WDR89: variants seen among roughly 807,000 people sequenced by gnomAD.
The protein encoded by WDR89 is WD repeat-containing protein 89.
A neutral mutation model predicts 29.1 loss-of-function variants in WDR89; 17 were observed. The ratio of observed to expected loss-of-function variants is 0.58; its 90% CI spans 0.40 to 0.88. The LOEUF (loss-of-function observed/expected upper bound fraction) is 0.88. Ranked by LOEUF, WDR89 falls within the 40% of genes least tolerant of loss-of-function variation. WDR89 has a pLI of 0.00. For missense variants in WDR89, 396 were observed against 456.3 expected, an observed-to-expected ratio of 0.87 and a Z score of 1.20; for synonymous variants, 138 against 157.8, an observed-to-expected ratio of 0.87 and a Z score of 0.94.
intron 2 of WDR89, among the ~76,000 whole-genome samples, chr14:63,607,476 A>G (rs1895371284): frequency 6.6e-6 from 1 of 152,144 alleles, no homozygotes; most frequent in African/African-American, 2.4e-5. Flanking sequence ...ATGTGCATGG[A>G]GTAGAGAACA....
rs943658045 is a variant in WDR89 at position 63,597,934 on chromosome 14, G to A, written c.*845C>T. On this transcript the variant is annotated 3_prime_UTR_variant, in exon 3 of 3. Transcript: ENST00000620954. ...AGAAATAATGAAAGTCTTCTCTAGG[G>A]TAATAGTGGTGAGGTAAAGGCAAAA... The A allele has an allele frequency of 6.6e-6, 1 of 152,176 alleles. No homozygotes were observed. The highest frequency in any genetic ancestry group is 2.4e-5 in the African/African-American group (1 of 41,432). The allele number at this position is 152,176 out of a possible 1,614,324, so 9.4% of individuals were successfully genotyped here. A position where few individuals can be genotyped will look rare whatever the true frequency, so the allele number is the denominator to read the frequency against.
chr14:63,607,355 G>T (rs1176803132), intron 2 of WDR89, among the ~76,000 whole-genome samples: 2 of 151,912 alleles, frequency 1.3e-5, no homozygotes, highest in African/African-American at 4.8e-5. Flanking sequence ...AGTAGAGACG[G>T]GGTTTCACCA....
At chr14:63,634,870 C>CAA (rs56714759) in intron 1 of WDR89, among the ~76,000 whole-genome samples, 3 of 95,104 alleles carry the variant, frequency 3.2e-5, no homozygotes, top group African/African-American at 3.4e-5. Context: ...AACTACATCT[C>CAA]AAAAAAAAAA....
At chr14:63,620,514 G>A (rs1882628194) in intron 2 of WDR89, among the ~76,000 whole-genome samples, 1 of 152,130 alleles carries the variant, frequency 6.6e-6, no homozygotes, top group African/African-American at 2.4e-5. Context: ...ATTTCACTTG[G>A]AAAGAGGAGT....
intron 1 of WDR89, among the ~76,000 whole-genome samples, chr14:63,640,686 C>G (rs778012605): frequency 1.3e-5 from 2 of 151,660 alleles, no homozygotes; most frequent in Non-Finnish European, 3.0e-5. Context: ...CCATGTTGAC[C>G]AGGCTGGTCT....
At position 63,619,149 on chromosome 14, in the gene WDR89, G is replaced by T. The variant is rs182552860; in HGVS notation, c.-32+5779C>A. Among the ~76,000 whole-genome samples, 1,003 of 152,332 alleles carry T rather than the reference G, an allele frequency of 6.6e-3. 6 individuals are homozygous for T. The highest frequency in any genetic ancestry group is 0.02 in the Middle Eastern group (6 of 294). ...GGAAGAGCATGGAGAGAAACCTCCT[G>T]TTGGGGCCTGCTGGGACTGAGTGGA... On this transcript the variant is annotated intron_variant, in intron 2 of 2. Coordinates refer to ENST00000620954, the MANE Select transcript of WDR89 (RefSeq NM_080666.4).
At chr14:63,620,434 C>CAGTA (rs1882622665) in intron 2 of WDR89, among the ~76,000 whole-genome samples, 1 of 152,012 alleles carries the variant, frequency 6.6e-6, no homozygotes, top group South Asian at 2.1e-4. Flanking sequence ...TGGAAGCAGA[C>CAGTA]AGTAGATAGG....
At position 63,598,984 on chromosome 14, in the gene WDR89, T is replaced by C; in HGVS notation, c.959A>G (p.His320Arg). 6 of 1,614,196 alleles carry C rather than the reference T, an allele frequency of 3.7e-6. No homozygotes were observed. Among genetic ancestry groups the C allele is most frequent in the Non-Finnish European group, 5.1e-6 (6 of 1,180,016 alleles). ...LTHVTSLQGG[H>R]AATVRSFCWN... The stretch of plus-strand genomic sequence containing the variant: ...ACAGAAAGAACGGACTGTAGCAGCA[T>C]GCCCTCCCTGAAGGCTAGTCACATG... The change falls in exon 3 of 3, where the codon CAT (histidine) becomes CGT (arginine). Residue 320 changes from histidine to arginine, a missense_variant. By Grantham distance (29) the His-to-Arg change is conservative. Coordinates refer to ENST00000620954, the MANE Select transcript of WDR89 (RefSeq NM_080666.4).
At chr14:63,623,279 T>TAACCAAAACAAA (rs1882822075) in intron 2 of WDR89, among the ~76,000 whole-genome samples, 2 of 145,022 alleles carry the variant, frequency 1.4e-5, no homozygotes, top group Admixed American at 1.4e-4. Flanking sequence ...TATTAAACAG[T>TAACCAAAACAAA]AAATTCACAA....
chr14:63,622,050 A>AT (rs1213876553), intron 2 of WDR89, among the ~76,000 whole-genome samples: 4 of 152,290 alleles, frequency 2.6e-5, no homozygotes, highest in Non-Finnish European at 4.4e-5. Flanking sequence ...AATATAAGAC[A>AT]TTTTTTCCTT....
intron 1 of WDR89, among the ~76,000 whole-genome samples, chr14:63,638,077 T>C (rs1359207503): frequency 6.6e-6 from 1 of 152,134 alleles, no homozygotes; most frequent in Non-Finnish European, 1.5e-5. Flanking sequence ...CCCCAGTAGC[T>C]GGGACTACAG....
chr14:63,616,228 C>T (rs1882296230), intron 2 of WDR89, among the ~76,000 whole-genome samples: 1 of 152,124 alleles, frequency 6.6e-6, no homozygotes, highest in Non-Finnish European at 1.5e-5. Flanking sequence ...TGCGCCACTG[C>T]ACTCCCGCCT....
At chr14:63,628,084 A>C (rs1883181497) in intron 1 of WDR89, among the ~76,000 whole-genome samples, 1 of 152,148 alleles carries the variant, frequency 6.6e-6, no homozygotes, top group Non-Finnish European at 1.5e-5. Context: ...AAAAAGTTTA[A>C]AAATCAGCCG....
chr14:63,636,114 C>T (rs1883718809), intron 1 of WDR89, among the ~76,000 whole-genome samples: 1 of 152,084 alleles, frequency 6.6e-6, no homozygotes, highest in Admixed American at 6.6e-5. Flanking sequence ...GAGGCTCAGG[C>T]AGGAGAACTG....
chr14:63,605,628 T>C (rs1402821750), intron 2 of WDR89, among the ~76,000 whole-genome samples: 1 of 151,960 alleles, frequency 6.6e-6, no homozygotes, highest in African/African-American at 2.4e-5. Flanking sequence ...CCCAGCTAAT[T>C]TTTGTGTTTT....
intron 1 of WDR89, among the ~76,000 whole-genome samples, chr14:63,626,917 G>C (rs1269739809): frequency 6.6e-6 from 1 of 151,734 alleles, no homozygotes; most frequent in Non-Finnish European, 1.5e-5. Context: ...CCAGGAGTCT[G>C]AGACCAGCCT....
chr14:63,630,100 A>C (rs1162379336), intron 1 of WDR89, among the ~76,000 whole-genome samples: 1 of 151,986 alleles, frequency 6.6e-6, no homozygotes, highest in Non-Finnish European at 1.5e-5. Flanking sequence ...GGCATATGCC[A>C]CCATGCCCGG....
At chr14:63,615,651 G>A (rs1040432248) in intron 2 of WDR89, among the ~76,000 whole-genome samples, 2 of 152,162 alleles carry the variant, frequency 1.3e-5, no homozygotes, top group African/African-American at 2.4e-5. Flanking sequence ...AAACAGCCGG[G>A]CCCAGTGGCT....
chr14:63,632,387 T>C (rs887045420), intron 1 of WDR89, among the ~76,000 whole-genome samples: 2 of 151,922 alleles, frequency 1.3e-5, no homozygotes, highest in Non-Finnish European at 2.9e-5. Flanking sequence ...TCCCAGCACC[T>C]TGGGAGGCTG....
Sources: gnomAD v4.1 joint callset for allele counts (sites outside exome capture counted in the v4.1 genomes callset) on GRCh38, gnomAD v4.1.1 for gene constraint, MANE v1.5 for transcripts, NCBI Gene and HGNC (gene_info 2026-07-23, HGNC 2026-07-21) for gene names.